CEP128: variants seen among roughly 807,000 people sequenced by gnomAD.
CEP128 encodes the protein centrosomal protein 128, also known as centrosomal protein 128kDa.
Under a neutral mutation model 156.7 loss-of-function variants are expected in CEP128, and 132 were observed. The observed-to-expected ratio is 0.84, with a 90% confidence interval of 0.73 to 0.97. The LOEUF (loss-of-function observed/expected upper bound fraction) is 0.97, where lower values mean the gene tolerates loss of function less well. Among genes scored for constraint, CEP128 ranks in the 50% least tolerant of loss-of-function variants. CEP128 has a pLI of 0.00. For synonymous variants in CEP128, 469 were observed against 448.9 expected (o/e 1.04, Z -0.57); for missense variants, 1,252 against 1,281.9 (o/e 0.98, Z 0.36).
At chr14:80,738,404 G>C (rs1038321980) in intron 19 of CEP128, among the ~76,000 whole-genome samples, 4 of 152,124 alleles carry the variant, frequency 2.6e-5, no homozygotes, top group Non-Finnish European at 5.9e-5. Context: ...AGAACACTGG[G>C]AATGATGAAA....
At chr14:80,823,565 A>G (rs1376413706) in intron 13 of CEP128, among the ~76,000 whole-genome samples, 1 of 151,870 alleles carries the variant, frequency 6.6e-6, no homozygotes, top group Non-Finnish European at 1.5e-5. Flanking sequence ...ATGATTGTTT[A>G]TGGAAAGTAT....
intron 13 of CEP128, among the ~76,000 whole-genome samples, chr14:80,805,156 C>T (rs1351335212): frequency 6.6e-6 from 1 of 151,618 alleles, no homozygotes; most frequent in Non-Finnish European, 1.5e-5. Flanking sequence ...ACCTTGATAA[C>T]CTAGATAAAT....
At chr14:80,594,704 A>G (rs1892237599) in intron 19 of CEP128, among the ~76,000 whole-genome samples, 2 of 152,380 alleles carry the variant, frequency 1.3e-5, no homozygotes, top group Middle Eastern at 6.8e-3. Flanking sequence ...TTATGCAGCC[A>G]ACAAATATAT....
chr14:80,584,563 C>T (rs935837200), intron 19 of CEP128, among the ~76,000 whole-genome samples: 3 of 152,150 alleles, frequency 2.0e-5, no homozygotes, highest in Non-Finnish European at 2.9e-5. Flanking sequence ...ACTGCTCACT[C>T]GTTAGGTGCA....
chr14:80,650,181 G>T (rs1280699149), intron 19 of CEP128, among the ~76,000 whole-genome samples: 2 of 152,098 alleles, frequency 1.3e-5, no homozygotes, highest in Non-Finnish European at 2.9e-5. Flanking sequence ...TGCAGCAATT[G>T]TGAATGGGAG....
chr14:80,498,066 T>C (rs1279109026), intron 24 of CEP128, among the ~76,000 whole-genome samples: 2 of 152,182 alleles, frequency 1.3e-5, no homozygotes, highest in African/African-American at 4.8e-5. Flanking sequence ...CTGTGTGAAA[T>C]CTTCTCTCCT....
At chr14:80,791,347 T>C (rs893290298) in intron 14 of CEP128, among the ~76,000 whole-genome samples, 1 of 152,206 alleles carries the variant, frequency 6.6e-6, no homozygotes, top group Non-Finnish European at 1.5e-5. Context: ...TGCTAAGTGA[T>C]AAAAATAATT....
At chr14:80,698,068 T>A (rs1896949300) in intron 19 of CEP128, among the ~76,000 whole-genome samples, 1 of 152,076 alleles carries the variant, frequency 6.6e-6, no homozygotes, top group Non-Finnish European at 1.5e-5. Context: ...TTGTATTATA[T>A]TAAATTTATC....
intron 20 of CEP128, among the ~76,000 whole-genome samples, chr14:80,564,720 CT>C (rs1471722378): frequency 1.3e-5 from 2 of 152,148 alleles, no homozygotes; most frequent in African/African-American, 4.8e-5. Flanking sequence ...TGCTTCTTGC[CT>C]GGGGTCCAGT....
At chr14:80,755,850 C>T (rs755646474) in intron 18 of CEP128, among the ~76,000 whole-genome samples, 8 of 152,158 alleles carry the variant, frequency 5.3e-5, no homozygotes, top group Non-Finnish European at 8.8e-5. Flanking sequence ...AACCCGTTTA[C>T]ACTGTAGAAG....
chr14:80,816,496 G>A (rs79412679), intron 13 of CEP128, among the ~76,000 whole-genome samples: 8,862 of 152,212 alleles, frequency 0.058, 420 homozygotes, highest in Non-Finnish European at 0.088. Context: ...CAACAGAAGA[G>A]GCAAGCTGAG....
At chr14:80,498,703 C>T (rs1887604687) in intron 24 of CEP128, among the ~76,000 whole-genome samples, 1 of 152,210 alleles carries the variant, frequency 6.6e-6, no homozygotes, top group Non-Finnish European at 1.5e-5. Context: ...TCTATCATTT[C>T]ACCTTTATAG....
intron 23 of CEP128, among the ~76,000 whole-genome samples, chr14:80,511,340 T>C (rs77819422): frequency 6.6e-6 from 1 of 151,968 alleles, no homozygotes; most frequent in African/African-American, 2.4e-5. Context: ...TCTTAGTAGG[T>C]TGTATGTGTC....
At chr14:80,506,954 C>G (rs573015389) in intron 23 of CEP128, among the ~76,000 whole-genome samples, 20 of 152,016 alleles carry the variant, frequency 1.3e-4, no homozygotes, top group Admixed American at 3.3e-4. Context: ...GTGGATCCCT[C>G]ATGGCTTGGT....
At chr14:80,714,073 T>C (rs1897511670) in intron 19 of CEP128, among the ~76,000 whole-genome samples, 5 of 152,206 alleles carry the variant, frequency 3.3e-5, no homozygotes, top group African/African-American at 1.2e-4. Context: ...TTGGAGAAGA[T>C]AAATCTACTT....
At chr14:80,637,358 A>G (rs1894229116) in intron 19 of CEP128, among the ~76,000 whole-genome samples, 1 of 152,170 alleles carries the variant, frequency 6.6e-6, no homozygotes, top group Non-Finnish European at 1.5e-5. Context: ...AAAATCCTTA[A>G]AAGTAGAAAA....
intron 4 of CEP128, among the ~76,000 whole-genome samples, chr14:80,908,478 C>A (rs6574608): frequency 0.55 from 83,197 of 151,960 alleles, 24,354 homozygotes; most frequent in African/African-American, 0.75. Context: ...TCTATTCATT[C>A]AAGGTCAGTT....
intron 19 of CEP128, among the ~76,000 whole-genome samples, chr14:80,610,602 A>C (rs1337177168): frequency 6.6e-6 from 1 of 152,126 alleles, no homozygotes; most frequent in Non-Finnish European, 1.5e-5. Context: ...TAAGAGCATA[A>C]ATCAGTACCT....
chr14:80,853,787 T>C (rs181182964), intron 9 of CEP128, among the ~76,000 whole-genome samples: 10 of 152,034 alleles, frequency 6.6e-5, no homozygotes, highest in Non-Finnish European at 1.0e-4. Context: ...TATATTAGTA[T>C]AGGGCTAGAC....
Sources: allele counts gnomAD v4.1 joint callset (sites outside exome capture counted in the v4.1 genomes callset), GRCh38; gene constraint gnomAD v4.1.1; transcripts MANE v1.5; gene names NCBI Gene and HGNC (gene_info 2026-07-23, HGNC 2026-07-21).